PCDHA7: variants seen among roughly 807,000 people sequenced by gnomAD.
PCDHA7 encodes the protein protocadherin alpha-7.
A neutral mutation model predicts 57.2 loss-of-function variants in PCDHA7; 37 were observed. The observed-to-expected ratio is 0.65, with a 90% CI of 0.50 to 0.85. PCDHA7 has a LOEUF of 0.85. PCDHA7 is among the 40% of genes least tolerant of loss of function. The pLI is 0.00. For missense variants in PCDHA7, 1,188 were observed against 1,241.8 expected, an observed-to-expected ratio of 0.96 and a Z score of 0.65; for synonymous variants, 553 against 558.8, an observed-to-expected ratio of 0.99 and a Z score of 0.15.
intron 1 of PCDHA7, among the ~76,000 whole-genome samples, chr5:140,893,651 A>G (rs1422431076): frequency 6.6e-6 from 1 of 152,106 alleles, no homozygotes; most frequent in Non-Finnish European, 1.5e-5. Context: ...TTTGGCTGAT[A>G]GTTTTAAAAA....
At chr5:140,973,782 C>CT (rs1461331270) in intron 1 of PCDHA7, among the ~76,000 whole-genome samples, 7 of 152,208 alleles carry the variant, frequency 4.6e-5, no homozygotes, top group African/African-American at 1.7e-4. Flanking sequence ...TATAGGTTGC[C>CT]TATTGGCATG....
intron 1 of PCDHA7, 167 bp from the exon 2 acceptor site, chr5:140,978,782 A>T (rs782295456): frequency 3.1e-5 from 30 of 971,664 alleles, no homozygotes; most frequent in Non-Finnish European, 3.7e-5. Context: ...TTTTCTTCTA[A>T]AGTGCTATAT....
intron 1 of PCDHA7, chr5:140,856,405 C>T: frequency 6.3e-7 from 1 of 1,598,432 alleles, no homozygotes; most frequent in Non-Finnish European, 8.6e-7. Flanking sequence ...TCCATGTGGA[C>T]GTGGAAGTGA....
intron 1 of PCDHA7, chr5:140,926,635 C>A: frequency 2.3e-6 from 1 of 442,720 alleles, no homozygotes; most frequent in Non-Finnish European, 3.8e-6. Context: ...CTGCGCTCCT[C>A]AACACCCGGC....
At chr5:140,938,395 C>G (rs2092045479) in intron 1 of PCDHA7, among the ~76,000 whole-genome samples, 1 of 152,114 alleles carries the variant, frequency 6.6e-6, no homozygotes, top group African/African-American at 2.4e-5. Context: ...ATATGAAATA[C>G]ATTGTTTGAT....
chr5:140,869,348 G>A (rs782687742), intron 1 of PCDHA7: 1 of 1,614,066 alleles, frequency 6.2e-7, no homozygotes, highest in South Asian at 1.1e-5. Context: ...CTGCAGAATG[G>A]CATTTTGTTT....
intron 1 of PCDHA7, chr5:140,860,192 C>CATATATAT (rs143984774): frequency 6.9e-4 from 101 of 146,860 alleles, no homozygotes; most frequent in African/African-American, 2.5e-3. Context: ...GCTCTCCTTA[C>CATATATAT]ATATATATCT....
At chr5:140,858,633 TTTGA>T (rs1554151907) in intron 1 of PCDHA7, 1 of 1,010,458 alleles carries the variant, frequency 9.9e-7, no homozygotes, top group Non-Finnish European at 1.4e-6. Context: ...TGTGTCAGCC[TTTGA>T]TTGGTACTTA....
At chr5:141,005,478 C>T (rs1021420332) in intron 3 of PCDHA7, among the ~76,000 whole-genome samples, 8 of 151,550 alleles carry the variant, frequency 5.3e-5, no homozygotes, top group East Asian at 3.9e-4. Context: ...CCGAGACGGG[C>T]GGATCATGAG....
chr5:140,883,362 C>T lies in PCDHA7; in HGVS notation c.2355+46624C>T, dbSNP rs1554177843. ...CTCCCCATCAGAGAAGACACTCAGC[C>T]TAGCGCCATTATTGCCCTAATCAGT... On this transcript the variant is annotated intron_variant, in intron 1 of 3. Transcript: ENST00000525929. The T allele has an allele frequency of 1.7e-5, 27 of 1,614,074 alleles. No homozygotes were observed. Among genetic ancestry groups the T allele is most frequent in the Non-Finnish European group, 2.3e-5 (27 of 1,180,046 alleles).
Position 140,850,129 on chromosome 5 carries a change from TG to T in PCDHA7, c.2355+13394del, listed in dbSNP as rs2150469009. On this transcript the variant is annotated intron_variant, in intron 1 of 3. Coordinates refer to ENST00000525929, the MANE Select transcript of PCDHA7 (RefSeq NM_018910.3). Reference sequence around the variant, plus strand: ...GCGCGCGACGCGGGCGTGCCGCCTCTGGGCAGCAACGTGACGCTGCAGGTGT... The same window carrying T: ...GCGCGCGACGCGGGCGTGCCGCCTCTGGCAGCAACGTGACGCTGCAGGTGT... 23 of 1,595,784 alleles carry T rather than the reference TG, an allele frequency of 1.4e-5. 1 individual carries two copies. The South Asian group carries it at 2.4e-4, about 17-fold the overall frequency.
chr5:140,842,582 T>A, intron 1 of PCDHA7: 1 of 1,520,542 alleles, frequency 6.6e-7, no homozygotes, highest in Non-Finnish European at 8.9e-7. Context: ...AGTGTCGGCC[T>A]ATGAGTTGGT....
intron 3 of PCDHA7, among the ~76,000 whole-genome samples, chr5:141,006,404 G>T (rs1001810745): frequency 6.6e-6 from 1 of 151,938 alleles, no homozygotes; most frequent in Admixed American, 6.6e-5. Flanking sequence ...TAGTAGAGAC[G>T]CGGTTTCACT....
chr5:140,852,575 CTTTT>C, intron 1 of PCDHA7: 1 of 799,032 alleles, frequency 1.3e-6, no homozygotes, highest in Non-Finnish European at 1.5e-6. Context: ...TGTGCCAAGG[CTTTT>C]TTATTTTTTT....
At chr5:141,001,122 TAAAC>T (rs1274933487) in intron 3 of PCDHA7, among the ~76,000 whole-genome samples, 1 of 152,154 alleles carries the variant, frequency 6.6e-6, no homozygotes, top group African/African-American at 2.4e-5. Flanking sequence ...CAATAGTCCT[TAAAC>T]AAATGAATCT....
intron 1 of PCDHA7, among the ~76,000 whole-genome samples, chr5:140,839,729 A>G (rs1554137556): frequency 6.6e-6 from 1 of 152,080 alleles, no homozygotes; most frequent in Non-Finnish European, 1.5e-5. Flanking sequence ...CATTTCACAG[A>G]AAATACCCTT....
At chr5:140,877,443 C>G (rs376417721) in intron 1 of PCDHA7, 15 of 1,613,726 alleles carry the variant, frequency 9.3e-6, no homozygotes, top group African/African-American at 1.3e-5. Context: ...ACGGTGAGCC[C>G]GCGCTGACGT....
At chr5:140,957,725 A>T (rs1385506394) in intron 1 of PCDHA7, among the ~76,000 whole-genome samples, 1 of 152,156 alleles carries the variant, frequency 6.6e-6, no homozygotes, top group Non-Finnish European at 1.5e-5. Context: ...AAAGAAGCAG[A>T]ATTATATATA....
chr5:140,887,788 G>A (rs1384145646), intron 1 of PCDHA7, among the ~76,000 whole-genome samples: 4 of 152,006 alleles, frequency 2.6e-5, no homozygotes, highest in Admixed American at 6.6e-5. Flanking sequence ...TCATTGAAGC[G>A]TTCTTTATTT....
Sources: allele counts gnomAD v4.1 joint callset (sites outside exome capture counted in the v4.1 genomes callset), GRCh38; gene constraint gnomAD v4.1.1; transcripts MANE v1.5; gene names NCBI Gene and HGNC (gene_info 2026-07-23, HGNC 2026-07-21).